MMP9: variants seen among roughly 807,000 people sequenced by gnomAD.
The protein encoded by MMP9 is matrix metalloproteinase-9.
A neutral mutation model predicts 76.4 loss-of-function variants in MMP9; 73 were observed. That is an observed-to-expected ratio of 0.96 (90% CI 0.79 to 1.16). MMP9 has a LOEUF of 1.16. Ranked by LOEUF, MMP9 falls within the 50% of genes most tolerant of loss-of-function variation. MMP9 has a pLI of 0.00. For missense variants in MMP9, 943 were observed against 973.0 expected (o/e 0.97, Z 0.41); for synonymous variants, 412 against 408.4 (o/e 1.01, Z -0.11).
At position 46,014,490 on chromosome 20, in the gene MMP9, G is replaced by T. The variant is rs1168941818; in HGVS notation, c.2005+16G>T. The T allele has an allele frequency of 1.3e-6, 2 of 1,547,976 alleles. No homozygotes were observed. The highest frequency in any genetic ancestry group is 1.2e-5 in the South Asian group (1 of 84,042). The stretch of plus-strand genomic sequence containing the variant: ...CAGTACCGAGGTGAGGGCTGAGGAG[G>T]ATCCCTTCGTGAGACACCACACTAA... On this transcript the variant is annotated intron_variant, in intron 12 of 12. Coordinates refer to ENST00000372330, the MANE Select transcript of MMP9 (RefSeq NM_004994.3).
chr20:46,014,346 C>G (rs1568849403), intron 11 of MMP9, 25 bp from the exon 12 acceptor site: 1 of 1,545,012 alleles, frequency 6.5e-7, no homozygotes. Flanking sequence ...GGCTCAGCAC[C>G]TGTCTCCTCC....
At position 46,012,571 on chromosome 20, in the gene MMP9, G is replaced by A. The variant is rs147960167; in HGVS notation, c.1319G>A (p.Arg440Gln). Residue 440 changes from arginine (R) to glutamine (Q), a missense_variant, in exon 8 of 13, where the codon CGG becomes CAG. Physicochemically the swap from Arg to Gln is conservative, Grantham distance 43. Transcript: ENST00000372330. Reference sequence around the variant, plus strand: ...CATAAGGACGACGTGAATGGCATCCGGCACCTCTATGGTGAGGCAGGGGCA... The same window carrying A: ...CATAAGGACGACGTGAATGGCATCCAGCACCTCTATGGTGAGGCAGGGGCA... Reference protein sequence around the residue: ...PLHKDDVNGIRHLYGPRPEPE... With the variant: ...PLHKDDVNGIQHLYGPRPEPE... 5.6e-6 allele frequency: 9 copies of A among 1,613,602 alleles called. No individual in the cohort carries two copies. Among genetic ancestry groups the A allele is most frequent in the Non-Finnish European group, 7.6e-6 (9 of 1,180,014 alleles).
intron 8 of MMP9, 129 bp downstream of exon 8, chr20:46,012,711 T>C: frequency 1.5e-6 from 2 of 1,367,498 alleles, no homozygotes; most frequent in South Asian, 2.6e-5. Context: ...AACGTCTGTC[T>C]GGAAGCAGAG....
intron 2 of MMP9, among the ~76,000 whole-genome samples, 159 bp from the exon 3 acceptor site, chr20:46,010,324 A>AAAAAAAAAAAAAAAAAAAC (rs2084268944): frequency 9.1e-6 from 1 of 109,500 alleles, no homozygotes; most frequent in Non-Finnish European, 1.9e-5. Context: ...AAGTAGACAA[A>AAAAAAAAAAAAAAAAAAAC]AAAAAAAAAA....
Position 46,014,228 on chromosome 20 carries a change from A to G in MMP9, c.1855A>G (p.Ser619Gly). ...DVAQVTGALR[S>G]GRGKMLLFSG... ...GGCCCAGGTGACCGGGGCCCTCCGG[A>G]GTGGCAGGGGGAAGATGCTGCTGTT... The change falls in exon 11 of 13, where the codon AGT becomes GGT. Residue 619 changes from serine (S) to glycine (G), a missense_variant. Physicochemically the swap from Ser to Gly is moderately conservative, Grantham distance 56. Coordinates refer to ENST00000372330, the MANE Select transcript of MMP9 (RefSeq NM_004994.3). The G allele has an allele frequency of 6.7e-7, 1 of 1,483,010 alleles. No homozygotes were observed. The highest frequency in any genetic ancestry group is 9.0e-7 in the Non-Finnish European group (1 of 1,110,334). The allele number at this position is 1,483,010 out of a possible 1,614,324, so 91.9% of individuals were successfully genotyped here. A position where few individuals can be genotyped will look rare whatever the true frequency, so the allele number is the denominator to read the frequency against.
chr20:46,010,321 CAAAAA>C (rs58031394), intron 2 of MMP9, among the ~76,000 whole-genome samples, 157 bp from the exon 3 acceptor site: 2 of 62,504 alleles, frequency 3.2e-5, no homozygotes, highest in Non-Finnish European at 5.5e-5. Flanking sequence ...TCTAAGTAGA[CAAAAA>C]AAAAAAAAAA....
intron 11 of MMP9, 28 bp downstream of exon 11, chr20:46,014,302 G>C (rs2084305566): frequency 6.5e-7 from 1 of 1,535,224 alleles, no homozygotes; most frequent in Non-Finnish European, 8.7e-7. Flanking sequence ...CGCCGGCAGG[G>C]GGAGCCCGGG....
At chr20:46,011,387 T>C in intron 5 of MMP9, 71 bp downstream of exon 5, 1 of 1,581,408 alleles carries the variant, frequency 6.3e-7, no homozygotes, top group Non-Finnish European at 8.6e-7. Flanking sequence ...TAATTCCAGC[T>C]CTGCCACTAG....
chr20:46,013,990 C>T lies in MMP9; in HGVS notation c.1751-134C>T. Reference sequence around the variant, plus strand: ...CACGCCCTCGCGTCGCTCTACCCAGCGCCTCTGCCCCTGGGTTGCAGGGAC... The same window carrying T: ...CACGCCCTCGCGTCGCTCTACCCAGTGCCTCTGCCCCTGGGTTGCAGGGAC... On this transcript the variant is annotated intron_variant, in intron 10 of 12. Transcript: ENST00000372330. This position sits in a 1 kb window ranked among gnomAD's most constrained non-coding sequence, Gnocchi z 4.5. 2 of 1,429,434 alleles carry T rather than the reference C, an allele frequency of 1.4e-6. No individual in the cohort carries two copies. The highest frequency in any genetic ancestry group is 9.4e-7 in the Non-Finnish European group (1 of 1,060,820). 88.5% of individuals were successfully genotyped at this position (1,429,434 alleles called of 1,614,324 possible).
At chr20:46,010,750 G>C in intron 3 of MMP9, 119 bp downstream of exon 3, 2 of 1,544,178 alleles carry the variant, frequency 1.3e-6, no homozygotes, top group Non-Finnish European at 1.8e-6. Context: ...CGCTGCCCTG[G>C]CTTATACGGC....
At position 46,014,200 on chromosome 20, in the gene MMP9, C is replaced by T; in HGVS notation, c.1827C>T (p.Asp609=). ...RRLDKLGLGA[D]VAQVTGALRS... is the part of the protein sequence containing the mutation. ...TGGACAAGCTGGGCCTGGGAGCCGACGTGGCCCAGGTGACCGGGGCCCTCC... is the reference window on the plus strand; with the variant it reads ...TGGACAAGCTGGGCCTGGGAGCCGATGTGGCCCAGGTGACCGGGGCCCTCC... The change falls in exon 11 of 13, where the codon GAC becomes GAT. Residue 609 remains aspartate (D), a synonymous_variant. Coordinates refer to ENST00000372330, the MANE Select transcript of MMP9 (RefSeq NM_004994.3). 6.5e-7 allele frequency: 1 copy of T among 1,533,080 alleles called. No individual in the cohort carries two copies. The highest frequency in any genetic ancestry group is 1.2e-5 in the South Asian group (1 of 83,676). The allele number at this position is 1,533,080 out of a possible 1,614,324, so 95.0% of individuals were successfully genotyped here.
chr20:46,012,107 T>TA (rs1280928261), intron 6 of MMP9, 30 bp from the exon 7 acceptor site: 1 of 1,611,074 alleles, frequency 6.2e-7, no homozygotes, highest in Non-Finnish European at 8.5e-7. Flanking sequence ...CTCATCCATC[T>TA]GGCTCATCCA....
At chr20:46,014,004 G>T (rs760437446) in intron 10 of MMP9, 120 bp from the exon 11 acceptor site, 105 of 1,474,072 alleles carry the variant, frequency 7.1e-5, no homozygotes, top group Middle Eastern at 2.4e-4. Flanking sequence ...TCTGCCCCTG[G>T]GTTGCAGGGA....
chr20:46,015,869 C>G (rs1289161196), intron 12 of MMP9, among the ~76,000 whole-genome samples: 1 of 152,178 alleles, frequency 6.6e-6, no homozygotes, highest in Non-Finnish European at 1.5e-5. Context: ...TTCTGCTTAT[C>G]CCCAGTATCT....
chr20:46,014,078 T>A, intron 10 of MMP9, 46 bp from the exon 11 acceptor site: 2 of 1,533,548 alleles, frequency 1.3e-6, no homozygotes, highest in Non-Finnish European at 1.7e-6. Context: ...TAGGAGTACG[T>A]GCTCCCTCTG....
At position 46,009,013 on chromosome 20, in the gene MMP9, G is replaced by T. The variant is rs753482129; in HGVS notation, c.87G>T (p.Val29=). The T allele has an allele frequency of 3.7e-6, 6 of 1,613,992 alleles. No individual in the cohort carries two copies. Among genetic ancestry groups the T allele is most frequent in the East Asian group, 2.2e-5 (1 of 44,874 alleles). ...AAPRQRQSTL[V]LFPGDLRTNL... ...CCAGACAGCGCCAGTCCACCCTTGT[G>T]CTCTTCCCTGGAGACCTGAGAACCA... Residue 29 remains valine (V), a synonymous_variant, in exon 1 of 13, where the codon GTG becomes GTT. Coordinates refer to ENST00000372330, the MANE Select transcript of MMP9 (RefSeq NM_004994.3).
chr20:46,014,989 G>T (rs138585153), intron 12 of MMP9, among the ~76,000 whole-genome samples: 1 of 152,158 alleles, frequency 6.6e-6, no homozygotes, highest in Non-Finnish European at 1.5e-5. Flanking sequence ...TTTCGAGTCT[G>T]TCATTTTTTT....
chr20:46,013,587 C>T lies in MMP9; in HGVS notation c.1610+53C>T. The T allele has an allele frequency of 6.2e-7, 1 of 1,611,412 alleles. No individual in the cohort carries two copies. Among genetic ancestry groups the T allele is most frequent in the African/African-American group, 1.3e-5 (1 of 75,016 alleles). Reference sequence around the variant, plus strand: ...GGAGGGGGCTTTGCGGAGGGGCTGCCCGTCCCTTCCCGCCCACTGGCCCTG... The same window carrying T: ...GGAGGGGGCTTTGCGGAGGGGCTGCTCGTCCCTTCCCGCCCACTGGCCCTG... On this transcript the variant is annotated intron_variant, in intron 9 of 12. Transcript: ENST00000372330. This position sits in a 1 kb window ranked among gnomAD's most constrained non-coding sequence, Gnocchi z 4.5.
chr20:46,008,913 C>A lies in MMP9; in HGVS notation c.-14C>A. 1.9e-6 allele frequency: 3 copies of A among 1,612,480 alleles called. No homozygotes were observed. Among genetic ancestry groups the A allele is most frequent in the Non-Finnish European group, 2.5e-6 (3 of 1,179,902 alleles). On this transcript the variant is annotated 5_prime_UTR_variant, in exon 1 of 13. Transcript: ENST00000372330. ...CCACAACAGCAGCTGCAGTCAGACA[C>A]CTCTGCCCTCACCATGAGCCTCTGG...
Sources: gnomAD v4.1 joint callset for allele counts (sites outside exome capture counted in the v4.1 genomes callset) on GRCh38, gnomAD v4.1.1 for gene constraint, Gnocchi (gnomAD v3.1) non-coding constraint, MANE v1.5 for transcripts, NCBI Gene and HGNC (gene_info 2026-07-23, HGNC 2026-07-21) for gene names.